Variants in WNK1 observed in about 807,000 individuals in gnomAD.
The protein encoded by WNK1 is WNK lysine deficient protein kinase 1.
A neutral mutation model predicts 222.8 loss-of-function variants in WNK1; 38 were observed. That is an observed-to-expected ratio of 0.17 (90% CI 0.13 to 0.22). The LOEUF is 0.22. Among genes scored for constraint, WNK1 ranks in the 10% least tolerant of loss-of-function variants. The pLI is 1.00. For missense variants in WNK1, 2,348 were observed against 2,918.4 expected, an observed-to-expected ratio of 0.80 and a Z score of 4.50; for synonymous variants, 1,090 against 1,092.9, an observed-to-expected ratio of 1.00 and a Z score of 0.05.
intron 2 of WNK1, among the ~76,000 whole-genome samples, chr12:822,302 C>G (rs1947965517): frequency 6.6e-6 from 1 of 151,976 alleles, no homozygotes; most frequent in Non-Finnish European, 1.5e-5. Flanking sequence ...CCACGTTGGT[C>G]AGGCTGGTCT....
intron 26 of WNK1, chr12:904,611 C>G: frequency 3.1e-6 from 2 of 643,690 alleles, no homozygotes; most frequent in Non-Finnish European, 4.8e-6. Context: ...TCTCTGTATC[C>G]TATTCTAATA....
At chr12:862,039 GTCTT>G (rs769699666) in intron 7 of WNK1, 40 bp from the exon 8 acceptor site, 1 of 1,610,672 alleles carries the variant, frequency 6.2e-7, no homozygotes, top group Admixed American at 1.7e-5. Context: ...TTTGTGATTT[GTCTT>G]TCTCTCTCTC....
chr12:810,607 T>G (rs1449807960), intron 1 of WNK1, among the ~76,000 whole-genome samples: 1 of 117,130 alleles, frequency 8.5e-6, no homozygotes, highest in Non-Finnish European at 2.1e-5. Context: ...TCTGGGCGAA[T>G]AAAGTGAACA....
chr12:878,509 T>C (rs1952827341), intron 10 of WNK1, 148 bp downstream of exon 10: 2 of 877,932 alleles, frequency 2.3e-6, no homozygotes, highest in African/African-American at 3.4e-5. Flanking sequence ...GTTAATCTCA[T>C]TGCAGAAATG....
rs1953432988 is a variant in WNK1 at position 884,072 on chromosome 12, T to G, written c.3722-49T>G. 6.2e-7 allele frequency: 1 copy of G among 1,611,514 alleles called. No individual in the cohort carries two copies. Among genetic ancestry groups the G allele is most frequent in the Non-Finnish European group, 8.5e-7 (1 of 1,178,466 alleles). On this transcript the variant is annotated intron_variant, in intron 17 of 27. Coordinates refer to ENST00000315939, the MANE Select transcript of WNK1 (RefSeq NM_018979.4). This position sits in a 1 kb window ranked among gnomAD's most constrained non-coding sequence, Gnocchi z 5.6. ...GCCAATAATGAAGTCTAACAATATT[T>G]ATAATAATAATGCTATTAAGTTACG...
intron 2 of WNK1, among the ~76,000 whole-genome samples, chr12:814,031 T>C (rs1201291502): frequency 6.6e-6 from 1 of 152,190 alleles, no homozygotes; most frequent in Non-Finnish European, 1.5e-5. Flanking sequence ...TGAGAAGTTA[T>C]GGCCGAGTGT....
At chr12:877,697 G>T (rs1257179706) in intron 9 of WNK1, among the ~76,000 whole-genome samples, 1 of 152,114 alleles carries the variant, frequency 6.6e-6, no homozygotes, top group East Asian at 1.9e-4. Flanking sequence ...GAAAATGTCT[G>T]TTATTCCAAA....
At chr12:833,062 T>C (rs748825614) in intron 4 of WNK1, among the ~76,000 whole-genome samples, 2 of 152,138 alleles carry the variant, frequency 1.3e-5, no homozygotes, top group Non-Finnish European at 2.9e-5. Context: ...TTGGGTAATT[T>C]CCTCCTTTAT....
At chr12:882,429 C>G (rs1028579837) in intron 14 of WNK1, among the ~76,000 whole-genome samples, 1 of 152,022 alleles carries the variant, frequency 6.6e-6, no homozygotes, top group Non-Finnish European at 1.5e-5. Context: ...AAACTCCTGA[C>G]CTCAGGTGAC....
At chr12:882,802 A>C (rs1019811599) in intron 14 of WNK1, 141 bp from the exon 15 acceptor site, 5 of 666,002 alleles carry the variant, frequency 7.5e-6, no homozygotes, top group Non-Finnish European at 1.3e-5. Context: ...TTAAGAGACA[A>C]AGTACTAGTG....
chr12:885,679 T>C lies in WNK1; in HGVS notation c.4875T>C (p.Ala1625=). ...QTLIHSQPQP[A]LLPNQPHTHC... ...TAATTCATAGTCAGCCTCAACCAGCTTTGCTTCCCAACCAGCCCCATACTC... is the reference window on the plus strand; with the variant it reads ...TAATTCATAGTCAGCCTCAACCAGCCTTGCTTCCCAACCAGCCCCATACTC... The change falls in exon 19 of 28, where the codon GCT becomes GCC. Residue 1625 remains alanine, a synonymous_variant. Transcript: ENST00000315939. 6.2e-7 allele frequency: 1 copy of C among 1,614,170 alleles called. No homozygotes were observed. The highest frequency in any genetic ancestry group is 1.6e-4 in the Middle Eastern group (1 of 6,062).
At chr12:866,284 A>T (rs527454322) in intron 8 of WNK1, among the ~76,000 whole-genome samples, 1 of 152,320 alleles carries the variant, frequency 6.6e-6, no homozygotes, top group Admixed American at 6.5e-5. Flanking sequence ...CTCGATAAGG[A>T]TCTTCCCTAT....
At chr12:844,140 A>AT (rs559534552) in intron 4 of WNK1, among the ~76,000 whole-genome samples, 2,113 of 149,374 alleles carry the variant, frequency 0.014, 51 homozygotes, top group African/African-American at 0.049. Context: ...ATTTTATTTT[A>AT]TTTTTTTTTG....
chr12:823,857 G>A (rs763485167), intron 2 of WNK1, among the ~76,000 whole-genome samples: 4 of 150,072 alleles, frequency 2.7e-5, no homozygotes, highest in East Asian at 2.0e-4. Flanking sequence ...GCAAAAATCA[G>A]TCACAATGGA....
At chr12:826,400 CTG>C in intron 2 of WNK1, among the ~76,000 whole-genome samples, 1 of 152,188 alleles carries the variant, frequency 6.6e-6, no homozygotes, top group Non-Finnish European at 1.5e-5. Context: ...CCATTTCTGT[CTG>C]GGGTTTAGCA....
rs534995175 is a variant in WNK1 at position 840,035 on chromosome 12, C to T, written c.1311+9875C>T. The stretch of plus-strand genomic sequence containing the variant: ...AGCCACCACACCTGGCCCATTCTGT[C>T]GTATTCTAAATGGAGTAGCAAACTA... On this transcript the variant is annotated intron_variant, in intron 4 of 27. Coordinates refer to ENST00000315939, the MANE Select transcript of WNK1 (RefSeq NM_018979.4). Among the ~76,000 whole-genome samples, 10 of 151,666 alleles carry T rather than the reference C, an allele frequency of 6.6e-5. No individual in the cohort carries two copies. In the South Asian group the frequency reaches 8.3e-4, roughly 13 times the overall value.
At chr12:867,213 A>G (rs991427868) in intron 8 of WNK1, among the ~76,000 whole-genome samples, 1 of 152,228 alleles carries the variant, frequency 6.6e-6, no homozygotes, top group Non-Finnish European at 1.5e-5. Context: ...AACATGTTTC[A>G]TGTAGTAAAA....
chr12:758,412 G>A (rs1940522892), intron 1 of WNK1, among the ~76,000 whole-genome samples: 1 of 93,516 alleles, frequency 1.1e-5, no homozygotes, highest in South Asian at 4.1e-4. Context: ...ACGGAGTCTC[G>A]CTCTGTCGCC....
At position 885,540 on chromosome 12, in the gene WNK1, C is replaced by T. The variant is rs140652665; in HGVS notation, c.4736C>T (p.Thr1579Ile). 1.2e-6 allele frequency: 2 copies of T among 1,614,096 alleles called. No homozygotes were observed. Among genetic ancestry groups the T allele is most frequent in the East Asian group, 4.5e-5 (2 of 44,866 alleles). Residue 1579 changes from threonine (T) to isoleucine (I), a missense_variant, in exon 19 of 28, where the codon ACT (threonine) becomes ATT (isoleucine). Transcript: ENST00000315939. ...GTCATTCCATCAGTGATAGCTTCTA[C>T]TCCTATTCTTCCCCAAGCAGCAGGA... ...PLVIPSVIAS[T>I]PILPQAAGPT...
Sources: gnomAD v4.1 joint callset for allele counts (sites outside exome capture counted in the v4.1 genomes callset) on GRCh38, gnomAD v4.1.1 for gene constraint, Gnocchi (gnomAD v3.1) non-coding constraint, MANE v1.5 for transcripts, NCBI Gene and HGNC (gene_info 2026-07-23, HGNC 2026-07-21) for gene names.